Variants in PPP1R3A observed in about 807,000 individuals in gnomAD.
PPP1R3A encodes the protein RG1.
A neutral mutation model predicts 41.7 loss-of-function variants in PPP1R3A; 29 were observed. The ratio of observed to expected loss-of-function variants is 0.70; its 90% CI spans 0.52 to 0.95. The LOEUF is 0.95. Among genes scored for constraint, PPP1R3A ranks in the 40% least tolerant of loss-of-function variants. PPP1R3A has a pLI of 0.00. For missense variants in PPP1R3A, 1,352 were observed against 1,292.4 expected, an observed-to-expected ratio of 1.05 and a Z score of -0.71; for synonymous variants, 485 against 453.4, an observed-to-expected ratio of 1.07 and a Z score of -0.89.
At position 113,891,084 on chromosome 7, in the gene PPP1R3A, CAAA is replaced by C. The variant is rs11342726; in HGVS notation, c.783-8767_783-8765del. ...GGGTCAATATGTGGTGGAAAAAAAG[CAAA>C]AAAAAAAAAAAAAAAAAAAAAAAAA... On this transcript the variant is annotated intron_variant, in intron 1 of 3. Coordinates refer to ENST00000284601, the MANE Select transcript of PPP1R3A (RefSeq NM_002711.4). 1.4e-4 allele frequency among the ~76,000 whole-genome samples: 11 copies of C among 79,788 alleles called. 1 individual carries two copies. The highest frequency in any genetic ancestry group is 2.3e-4 in the Non-Finnish European group (10 of 44,068). The allele number at this position is 79,788 out of a possible 152,430, so 52.3% of individuals were successfully genotyped here. A position where few individuals can be genotyped will look rare whatever the true frequency, so the allele number is the denominator to read the frequency against.
intron 1 of PPP1R3A, among the ~76,000 whole-genome samples, chr7:113,909,330 T>C (rs1010989017): frequency 3.3e-5 from 5 of 152,072 alleles, no homozygotes; most frequent in African/African-American, 1.2e-4. Context: ...TTAGGTAAGA[T>C]AGAAGAATAA....
intron 1 of PPP1R3A, among the ~76,000 whole-genome samples, chr7:113,895,789 T>C (rs1482578783): frequency 6.6e-6 from 1 of 151,930 alleles, no homozygotes; most frequent in Non-Finnish European, 1.5e-5. Context: ...ACTGGATTTG[T>C]ATTTAACAGC....
chr7:113,918,110 G>A (rs1276793039), intron 1 of PPP1R3A, 105 bp downstream of exon 1: 3 of 1,110,924 alleles, frequency 2.7e-6, no homozygotes, highest in Non-Finnish European at 2.6e-6. Context: ...TACATAGCAA[G>A]CAGTATATTT....
intron 1 of PPP1R3A, among the ~76,000 whole-genome samples, chr7:113,888,864 T>C (rs1022468947): frequency 6.6e-6 from 1 of 152,190 alleles, no homozygotes; most frequent in African/African-American, 2.4e-5. Flanking sequence ...ACCAGATGAA[T>C]TTCTAAGGAA....
At chr7:113,906,531 CTT>C (rs1322547268) in intron 1 of PPP1R3A, among the ~76,000 whole-genome samples, 1 of 151,534 alleles carries the variant, frequency 6.6e-6, no homozygotes, top group Non-Finnish European at 1.5e-5. Flanking sequence ...ATAAATGTAA[CTT>C]TGACTTGGAA....
chr7:113,878,984 A>C lies in PPP1R3A; in HGVS notation c.2108T>G (p.Phe703Cys), dbSNP rs1338615704. The change falls in exon 4 of 4, where the codon TTT becomes TGT. Residue 703 changes from phenylalanine (F) to cysteine (C), a missense_variant. Transcript: ENST00000284601. Reference sequence around the variant, plus strand: ...ACAGCACACTGTTTCTTGGCAGGTAAACAATTCTTCTGTAGTAGCTTTCAA... The same window carrying C: ...ACAGCACACTGTTTCTTGGCAGGTACACAATTCTTCTGTAGTAGCTTTCAA... Reference protein sequence around the residue: ...RSLKATTEELFTCQETVCCEL... With the variant: ...RSLKATTEELCTCQETVCCEL... 1 of 1,613,386 alleles carries C rather than the reference A, an allele frequency of 6.2e-7. No individual in the cohort carries two copies. Among genetic ancestry groups the C allele is most frequent in the Non-Finnish European group, 8.5e-7 (1 of 1,179,808 alleles).
intron 1 of PPP1R3A, among the ~76,000 whole-genome samples, chr7:113,894,207 T>A (rs1221971508): frequency 6.6e-6 from 1 of 151,996 alleles, no homozygotes; most frequent in Non-Finnish European, 1.5e-5. Flanking sequence ...ACATTTAGGT[T>A]GCTTTGGAAT....
chr7:113,891,878 T>C (rs1380052387), intron 1 of PPP1R3A, among the ~76,000 whole-genome samples: 2 of 152,076 alleles, frequency 1.3e-5, no homozygotes, highest in East Asian at 3.9e-4. Flanking sequence ...AGTCTAAGTC[T>C]GATGTGATGG....
rs759989435 is a variant in PPP1R3A at position 113,882,160 on chromosome 7, G to T, written c.845C>A (p.Thr282Asn). 1 of 1,611,122 alleles carries T rather than the reference G, an allele frequency of 6.2e-7. No homozygotes were observed. Among genetic ancestry groups the T allele is most frequent in the Non-Finnish European group, 8.5e-7 (1 of 1,177,904 alleles). The stretch of plus-strand genomic sequence containing the variant: ...AGAACAAATGATTGTTGGGATATAG[G>T]TATCTGAAAAGTTAATATAATTGTG... ...NNFENPKNTD[T>N]YIPTIICSHE... The change falls in exon 3 of 4, where the codon ACC becomes AAC. Residue 282 changes from threonine (T) to asparagine (N), a missense_variant. Transcript: ENST00000284601.
At chr7:113,881,033 T>C (rs934488537) in intron 3 of PPP1R3A, among the ~76,000 whole-genome samples, 5 of 152,086 alleles carry the variant, frequency 3.3e-5, no homozygotes, top group African/African-American at 1.2e-4. Context: ...ATGAGATGTA[T>C]TGGTGAAGTA....
intron 1 of PPP1R3A, among the ~76,000 whole-genome samples, chr7:113,898,398 T>C (rs753088776): frequency 4.0e-5 from 6 of 151,728 alleles, no homozygotes; most frequent in Non-Finnish European, 8.8e-5. Context: ...GAGGGCTTAG[T>C]ATGACTATTG....
intron 1 of PPP1R3A, among the ~76,000 whole-genome samples, chr7:113,915,282 T>G (rs565217186): frequency 3.2e-4 from 49 of 152,158 alleles, no homozygotes; most frequent in Non-Finnish European, 3.8e-4. Context: ...GGGTGGGTGA[T>G]TGACTTAACA....
chr7:113,912,828 A>T lies in PPP1R3A; in HGVS notation c.782+5387T>A, dbSNP rs1335282716. On this transcript the variant is annotated intron_variant, in intron 1 of 3. Transcript: ENST00000284601. Reference sequence around the variant, plus strand: ...GATAGGCTCTCAGAGATCCCAGAGGATCCATTTGAGGCATGGCATTCATAG... The same window carrying T: ...GATAGGCTCTCAGAGATCCCAGAGGTTCCATTTGAGGCATGGCATTCATAG... 3.9e-5 allele frequency among the ~76,000 whole-genome samples: 6 copies of T among 151,962 alleles called. No homozygotes were observed. In the East Asian group the frequency reaches 1.2e-3, roughly 29 times the overall value.
intron 1 of PPP1R3A, among the ~76,000 whole-genome samples, chr7:113,895,231 C>T (rs1305018618): frequency 2.0e-5 from 3 of 151,870 alleles, no homozygotes; most frequent in Non-Finnish European, 2.9e-5. Flanking sequence ...CAATAGCCCT[C>T]CCATTATCTG....
At chr7:113,918,091 A>G (rs1001865633) in intron 1 of PPP1R3A, 124 bp downstream of exon 1, 5 of 941,852 alleles carry the variant, frequency 5.3e-6, no homozygotes, top group Admixed American at 5.3e-5. Context: ...GCCTGGCACC[A>G]TTGTTTTTTA....
rs1345589660 is a variant in PPP1R3A at position 113,891,092 on chromosome 7, A to C, written c.783-8772T>G. Among the ~76,000 whole-genome samples, 360 of 148,582 alleles carry C rather than the reference A, an allele frequency of 2.4e-3. 3 individuals are homozygous for C. The highest frequency in any genetic ancestry group is 4.9e-3 in the African/African-American group (201 of 40,626). On this transcript the variant is annotated intron_variant, in intron 1 of 3. Coordinates refer to ENST00000284601, the MANE Select transcript of PPP1R3A (RefSeq NM_002711.4). ...ATGTGGTGGAAAAAAAGCAAAAAAA[A>C]AAAAAAAAAAAAAAAAAAAAAACCC...
At chr7:113,902,975 T>C (rs1337202676) in intron 1 of PPP1R3A, among the ~76,000 whole-genome samples, 1 of 151,790 alleles carries the variant, frequency 6.6e-6, no homozygotes, top group African/African-American at 2.4e-5. Flanking sequence ...GATCTTTTTT[T>C]ACTTCCCATC....
At position 113,897,834 on chromosome 7, in the gene PPP1R3A, T is replaced by C. The variant is rs138525620; in HGVS notation, c.783-15514A>G. Among the ~76,000 whole-genome samples the C allele has an allele frequency of 2.9e-3, 435 of 151,832 alleles. 2 individuals are homozygous for C. The highest frequency in any genetic ancestry group is 0.01 in the African/African-American group (415 of 41,464). On this transcript the variant is annotated intron_variant, in intron 1 of 3. Coordinates refer to ENST00000284601, the MANE Select transcript of PPP1R3A (RefSeq NM_002711.4). ...TTAGTATAAGAGCAATATGGTGTTC[T>C]GGAAAGGTCAAGTTGAGAACCTGAT...
In PPP1R3A at chr7:113,877,491, A is replaced by T; in HGVS notation, c.*232T>A. On this transcript the variant is annotated 3_prime_UTR_variant, in exon 4 of 4. Coordinates refer to ENST00000284601, the MANE Select transcript of PPP1R3A (RefSeq NM_002711.4). ...GGAGCAACAGCTGTACCTAATTTCA[A>T]CTTGACGTGCTTCAGATCTCATATT... The T allele has an allele frequency of 7.5e-6, 3 of 401,536 alleles. No homozygotes were observed. The highest frequency in any genetic ancestry group is 1.3e-5 in the Non-Finnish European group (3 of 229,822). 24.9% of individuals were successfully genotyped at this position (401,536 alleles called of 1,614,324 possible).
Sources: gnomAD v4.1 joint callset for allele counts (sites outside exome capture counted in the v4.1 genomes callset) on GRCh38, gnomAD v4.1.1 for gene constraint, MANE v1.5 for transcripts, NCBI Gene and HGNC (gene_info 2026-07-23, HGNC 2026-07-21) for gene names.